The following ZNF133 variants were observed in gnomAD, a reference collection of about 807,000 sequenced individuals.
ZNF133 encodes zinc finger protein 133.
In ZNF133, 26 loss-of-function variants were observed where a neutral mutation model predicts 54.9. The observed-to-expected ratio is 0.47, with a 90% CI of 0.35 to 0.66. The LOEUF (loss-of-function observed/expected upper bound fraction) is 0.66. ZNF133 is among the 30% of genes least tolerant of loss of function. The pLI is 0.01. For missense variants in ZNF133, 653 were observed against 820.8 expected (o/e 0.80, Z 2.50); for synonymous variants, 298 against 320.3 (o/e 0.93, Z 0.74).
intron 6 of ZNF133, among the ~76,000 whole-genome samples, chr20:18,308,119 G>C (rs1388221548): frequency 6.6e-6 from 1 of 152,040 alleles, no homozygotes; most frequent in Admixed American, 6.5e-5. Context: ...TTGGACAAGG[G>C]GCTGCTGAGA....
In ZNF133 at chr20:18,305,883, T is replaced by C. The variant is rs2147451545; in HGVS notation, c.121+76T>C. 2 of 1,540,184 alleles carry C rather than the reference T, an allele frequency of 1.3e-6. No homozygotes were observed. The highest frequency in any genetic ancestry group is 4.5e-5 in the East Asian group (2 of 44,012). ...GCTATGCTTGAAGCAGCCATCTTGC[T>C]TTGTTACTTGACCTTTGGGTTGGAC... On this transcript the variant is annotated intron_variant, in intron 5 of 6. Transcript: ENST00000425686. This position sits in a 1 kb window ranked among gnomAD's most constrained non-coding sequence, Gnocchi z 4.7.
Position 18,316,269 on chromosome 20 carries a change from G to A in ZNF133, c.1418G>A (p.Arg473Gln), listed in dbSNP as rs763324784. 20 of 1,608,404 alleles carry A rather than the reference G, an allele frequency of 1.2e-5. No homozygotes were observed. Among genetic ancestry groups the A allele is most frequent in the East Asian group, 4.5e-5 (2 of 44,596 alleles). Reference sequence around the variant, plus strand: ...CCCATTGTGTGCAAGGACTGTGGCCGGGGCTTCAGCCAGCAATCCAACCTC... The same window carrying A: ...CCCATTGTGTGCAAGGACTGTGGCCAGGGCTTCAGCCAGCAATCCAACCTC... ...EKPIVCKDCG[R>Q]GFSQQSNLIR... Residue 473 changes from arginine (R) to glutamine (Q), a missense_variant, in exon 7 of 7, where the codon CGG becomes CAG. Transcript: ENST00000425686.
intron 3 of ZNF133, among the ~76,000 whole-genome samples, chr20:18,304,349 G>T (rs1027091252): frequency 2.6e-5 from 4 of 152,232 alleles, no homozygotes; most frequent in Admixed American, 2.6e-4. Flanking sequence ...GTGGAAAACA[G>T]TGTGGTGGTT....
intron 1 of ZNF133, among the ~76,000 whole-genome samples, chr20:18,296,741 A>G (rs2042308416): frequency 6.6e-6 from 1 of 152,244 alleles, no homozygotes; most frequent in African/African-American, 2.4e-5. Flanking sequence ...GCGCACAAGT[A>G]TCTGTTCGAG....
rs1568818568 is a variant in ZNF133, at chr20:18,316,376, CT to C, written c.1527del (p.Val510LeufsTer56). 6.2e-7 allele frequency: 1 copy of C among 1,614,070 alleles called. No homozygotes were observed. ...GCGAGGCTTCAGCCAGAAGTCAAAC[CT>C]TGTTGCACACCAGAGGACGCACTCA... ...CGRGFSQKSN[L>X]VAHQRTHSGE... On this transcript the variant is annotated frameshift_variant, in exon 7 of 7. Coordinates refer to ENST00000425686, the MANE Select transcript of ZNF133 (RefSeq NM_001352452.2). LOFTEE classifies it high-confidence loss of function.
Position 18,316,090 on chromosome 20 carries a change from G to C in ZNF133, c.1239G>C (p.Gly413=), listed in dbSNP as rs755905490. 6.2e-7 allele frequency: 1 copy of C among 1,613,018 alleles called. No individual in the cohort carries two copies. Among genetic ancestry groups the C allele is most frequent in the Non-Finnish European group, 8.5e-7 (1 of 1,179,496 alleles). The part of the protein sequence containing the change: ...THSKEKPYVC[G]VCGHSFSQNS... ...CAAAGGAGAAGCCCTATGTGTGCGG[G>C]GTGTGTGGGCACAGCTTCAGCCAGA... is the stretch of plus-strand genomic sequence containing the variant. The change falls in exon 7 of 7, where the codon GGG becomes GGC. Residue 413 remains glycine (G), a synonymous_variant. Transcript: ENST00000425686.
chr20:18,316,417 T>C lies in ZNF133; in HGVS notation c.1566T>C (p.Tyr522=), dbSNP rs1289339807. 7.4e-6 allele frequency: 12 copies of C among 1,613,020 alleles called. No homozygotes were observed. Among genetic ancestry groups the C allele is most frequent in the African/African-American group, 4.0e-5 (3 of 74,614 alleles). Residue 522 remains tyrosine (Y), a synonymous_variant, in exon 7 of 7, where the codon TAT becomes TAC. Transcript: ENST00000425686. ...HQRTHSGERP[Y]VCRECGRGFS... The stretch of plus-strand genomic sequence containing the variant: ...GGACGCACTCAGGGGAGAGGCCGTA[T>C]GTGTGCCGAGAGTGCGGGCGAGGCT...
At position 18,315,817 on chromosome 20, in the gene ZNF133, G is replaced by T. The variant is rs768103033; in HGVS notation, c.966G>T (p.Gly322=). ...TCATACACCAGAGGACACACTCAGG[G>T]GAAAAGCCTTACGTGTGCCGGGAAT... The part of the protein sequence containing the change: ...NLIIHQRTHS[G]EKPYVCRECG... The change falls in exon 7 of 7, where the codon GGG becomes GGT. Residue 322 remains glycine (G), a synonymous_variant. Coordinates refer to ENST00000425686, the MANE Select transcript of ZNF133 (RefSeq NM_001352452.2). 1 of 1,612,110 alleles carries T rather than the reference G, an allele frequency of 6.2e-7. No homozygotes were observed. The highest frequency in any genetic ancestry group is 1.3e-5 in the African/African-American group (1 of 74,760).
At position 18,316,667 on chromosome 20, in the gene ZNF133, T is replaced by C. The variant is rs2047587620; in HGVS notation, c.1816T>C (p.Tyr606His). The part of the protein sequence containing the change: ...HQMTHTGEKP[Y>H]VCKTCGRGFS... ...AATGACACATACGGGGGAGAAGCCATATGTGTGCAAGACGTGTGGGCGGGG... is the reference window on the plus strand; with the variant it reads ...AATGACACATACGGGGGAGAAGCCACATGTGTGCAAGACGTGTGGGCGGGG... The change falls in exon 7 of 7, where the codon TAT becomes CAT. Residue 606 changes from tyrosine to histidine, a missense_variant. Transcript: ENST00000425686. 1.2e-6 allele frequency: 2 copies of C among 1,613,672 alleles called. No homozygotes were observed. Among genetic ancestry groups the C allele is most frequent in the Admixed American group, 3.3e-5 (2 of 59,970 alleles).
intron 3 of ZNF133, among the ~76,000 whole-genome samples, chr20:18,304,036 T>C (rs1354138088): frequency 6.6e-6 from 1 of 152,146 alleles, no homozygotes. Context: ...TTAGAATATA[T>C]AAAGAACTCC....
At chr20:18,293,964 T>C (rs1055190938) in intron 1 of ZNF133, among the ~76,000 whole-genome samples, 2 of 152,232 alleles carry the variant, frequency 1.3e-5, no homozygotes, top group Non-Finnish European at 2.9e-5. Context: ...AGCACAGTAA[T>C]AACTATTGCA....
intron 6 of ZNF133, among the ~76,000 whole-genome samples, chr20:18,309,270 A>C (rs142263720): frequency 3.3e-5 from 5 of 152,358 alleles, no homozygotes; most frequent in African/African-American, 1.2e-4. Flanking sequence ...AACTCAGTCC[A>C]TAACAGCATC....
rs150814845 is a variant in ZNF133, at chr20:18,309,392, A to G, written c.217+2999A>G. ...ATCTCAGTTGTATGAAGGAGTAAAG[A>G]TGAGGGACTGGTGTATAAGCTGAAA... On this transcript the variant is annotated intron_variant, in intron 6 of 6. Transcript: ENST00000425686. 1.2e-3 allele frequency among the ~76,000 whole-genome samples: 176 copies of G among 152,360 alleles called. 1 individual carries two copies. Among genetic ancestry groups the G allele is most frequent in the African/African-American group, 3.9e-3 (162 of 41,586 alleles).
chr20:18,305,862 T>C lies in ZNF133; in HGVS notation c.121+55T>C. On this transcript the variant is annotated intron_variant, in intron 5 of 6. Coordinates refer to ENST00000425686, the MANE Select transcript of ZNF133 (RefSeq NM_001352452.2). The surrounding 1 kb of genome is among the most constrained non-coding windows in gnomAD (Gnocchi z 4.7). ...TCTTATTGCTGGGAATTTTAGGCTA[T>C]GCTTGAAGCAGCCATCTTGCTTTGT... 6.4e-7 allele frequency: 1 copy of C among 1,564,502 alleles called. No homozygotes were observed. Among genetic ancestry groups the C allele is most frequent in the Non-Finnish European group, 8.7e-7 (1 of 1,153,500 alleles).
rs548948380 is a variant in ZNF133 at position 18,311,240 on chromosome 20, G to A, written c.218-3829G>A. Among the ~76,000 whole-genome samples the A allele has an allele frequency of 6.6e-5, 10 of 152,258 alleles. No individual in the cohort carries two copies. In the South Asian group the frequency reaches 1.5e-3, roughly 22 times the overall value. On this transcript the variant is annotated intron_variant, in intron 6 of 6. Coordinates refer to ENST00000425686, the MANE Select transcript of ZNF133 (RefSeq NM_001352452.2). ...GGAAGCTGAGGAGGGAGGATTGCTC[G>A]AGCCCAGGAATTTGGGCTACGTGAT...
chr20:18,294,125 C>T (rs1484700123), intron 1 of ZNF133, among the ~76,000 whole-genome samples: 1 of 152,066 alleles, frequency 6.6e-6, no homozygotes, highest in East Asian at 1.9e-4. Context: ...CAGAAGACAC[C>T]CCCTTAACCA....
intron 3 of ZNF133, among the ~76,000 whole-genome samples, chr20:18,303,172 A>G (rs2043798187): frequency 6.6e-6 from 1 of 151,532 alleles, no homozygotes; most frequent in Non-Finnish European, 1.5e-5. Context: ...TCAGCCTTCC[A>G]AGTAGCTGGG....
rs1023797685 is a variant in ZNF133 at position 18,303,283 on chromosome 20, G to A, written c.-177-1725G>A. On this transcript the variant is annotated intron_variant, in intron 3 of 6. Transcript: ENST00000425686. ...GCTGGTCTTGAACTCCTGACCTCAGGTGATCCACCTGCCTCGGCCTCCCAA... is the reference window on the plus strand; with the variant it reads ...GCTGGTCTTGAACTCCTGACCTCAGATGATCCACCTGCCTCGGCCTCCCAA... Among the ~76,000 whole-genome samples the A allele has an allele frequency of 4.6e-5, 7 of 152,192 alleles. No individual in the cohort carries two copies. The East Asian group carries it at 1.4e-3, about 29-fold the overall frequency.
intron 5 of ZNF133, among the ~76,000 whole-genome samples, chr20:18,306,081 G>A (rs1208973343): frequency 6.6e-6 from 1 of 152,082 alleles, no homozygotes; most frequent in African/African-American, 2.4e-5. Context: ...TGTTTTAAAT[G>A]AGAGGGGTGT....
Sources: gnomAD v4.1 joint callset for allele counts (sites outside exome capture counted in the v4.1 genomes callset) on GRCh38, gnomAD v4.1.1 for gene constraint, Gnocchi (gnomAD v3.1) non-coding constraint, MANE v1.5 for transcripts, NCBI Gene and HGNC (gene_info 2026-07-23, HGNC 2026-07-21) for gene names.